PCDHGA1: variants seen among roughly 807,000 people sequenced by gnomAD.
The protein encoded by PCDHGA1 is protocadherin gamma-A1.
PCDHGA1 carries 32 observed loss-of-function variants against 58.0 expected under a neutral mutation model. The observed-to-expected ratio is 0.55, with a 90% confidence interval of 0.42 to 0.74. The LOEUF is 0.74. Ranked by LOEUF, PCDHGA1 falls within the 30% of genes least tolerant of loss-of-function variation. The probability of loss-of-function intolerance (pLI) is 0.00; values close to 1 mark genes in which losing one functional copy is unlikely to be tolerated. For synonymous variants in PCDHGA1, 498 were observed against 501.1 expected, an observed-to-expected ratio of 0.99 and a Z score of 0.08; for missense variants, 1,205 against 1,182.3, an observed-to-expected ratio of 1.02 and a Z score of -0.28.
chr5:141,350,354 C>A (rs1292582179), intron 1 of PCDHGA1: 8 of 1,564,814 alleles, frequency 5.1e-6, no homozygotes, highest in Non-Finnish European at 6.9e-6. Context: ...CCAGCAGATC[C>A]GATACACGAT....
intron 1 of PCDHGA1, chr5:141,419,828 AC>A (rs1189387492): frequency 6.2e-7 from 1 of 1,614,022 alleles, no homozygotes; most frequent in Non-Finnish European, 8.5e-7. Flanking sequence ...CCTTTCAGCC[AC>A]TGCCACGCTG....
At chr5:141,430,829 T>A (rs763916884) in intron 1 of PCDHGA1, 1 of 1,554,558 alleles carries the variant, frequency 6.4e-7, no homozygotes, top group Non-Finnish European at 8.7e-7. Context: ...GGGGACTCTG[T>A]GGGAGACCGG....
rs1311188710 is a variant in PCDHGA1 at position 141,332,886 on chromosome 5, C to T, written c.2202C>T (p.Ser734=). 8.7e-6 allele frequency: 14 copies of T among 1,614,104 alleles called. No individual in the cohort carries two copies. The highest frequency in any genetic ancestry group is 8.0e-5 in the African/African-American group (6 of 74,938). Residue 734 remains serine (S), a synonymous_variant, in exon 1 of 4, where the codon AGC becomes AGT. Transcript: ENST00000517417. The surrounding 1 kb of genome is among the most constrained non-coding windows in gnomAD (Gnocchi z 4.6). ...AGGCTTCGGGAGGCGGCTTAGCGAG[C>T]ATGCCCGGTTCGCACTTTGTGGGCG... ...LLQASGGGLA[S]MPGSHFVGVD... is the part of the protein sequence containing the mutation.
chr5:141,493,289 C>T lies in PCDHGA1; in HGVS notation c.2422-1518C>T, dbSNP rs925045650. 2.6e-5 allele frequency among the ~76,000 whole-genome samples: 4 copies of T among 152,176 alleles called. No individual in the cohort carries two copies. Among genetic ancestry groups the T allele is most frequent in the Non-Finnish European group, 5.9e-5 (4 of 68,030 alleles). On this transcript the variant is annotated intron_variant, in intron 1 of 3. Coordinates refer to ENST00000517417, the MANE Select transcript of PCDHGA1 (RefSeq NM_018912.3). The surrounding 1 kb of genome is among the most constrained non-coding windows in gnomAD (Gnocchi z 4.3). ...CTTCACAGAGGTCAAGTGACTTGCT[C>T]AAGTTCACAGAGCAAGTAAGAGAGA...
At chr5:141,446,508 G>A (rs932199756) in intron 1 of PCDHGA1, among the ~76,000 whole-genome samples, 4 of 151,356 alleles carry the variant, frequency 2.6e-5, no homozygotes, top group Non-Finnish European at 5.9e-5. Flanking sequence ...ATGGAGTCTC[G>A]CTCTGTCACC....
intron 1 of PCDHGA1, chr5:141,390,094 T>G: frequency 1.2e-6 from 2 of 1,614,048 alleles, no homozygotes; most frequent in Non-Finnish European, 1.7e-6. Flanking sequence ...GAATCCGTGG[T>G]TCCCCCCAAC....
At chr5:141,361,758 G>A (rs1388339327) in intron 1 of PCDHGA1, 4 of 1,612,942 alleles carry the variant, frequency 2.5e-6, no homozygotes, top group Non-Finnish European at 3.4e-6. Flanking sequence ...GCTCGCCCGC[G>A]CTCAGCGCCA....
rs772345742 is a variant in PCDHGA1 at position 141,398,560 on chromosome 5, T to C, written c.2421+65455T>C. 17 of 1,613,792 alleles carry C rather than the reference T, an allele frequency of 1.1e-5. No individual in the cohort carries two copies. The Admixed American group carries it at 2.2e-4, about 21-fold the overall frequency. ...TTCCTTTGAGCTGCAAATAAGTGAG[T>C]CTGCACAGCCTGGCACAAGATTTAT... On this transcript the variant is annotated intron_variant, in intron 1 of 3. Transcript: ENST00000517417.
chr5:141,424,776 A>G (rs1406581367), intron 1 of PCDHGA1: 2 of 152,154 alleles, frequency 1.3e-5, no homozygotes, highest in African/African-American at 4.8e-5. Context: ...CAAATAGTAC[A>G]TTCAGTTCTT....
chr5:141,478,671 A>G (rs996413401), intron 1 of PCDHGA1: 19 of 1,551,538 alleles, frequency 1.2e-5, no homozygotes, highest in Non-Finnish European at 1.7e-5. Context: ...TCACACTTTC[A>G]ACTGGCCCTT....
Position 141,339,525 on chromosome 5 carries a change from G to C in PCDHGA1, c.2421+6420G>C, listed in dbSNP as rs776747052. On this transcript the variant is annotated intron_variant, in intron 1 of 3. Coordinates refer to ENST00000517417, the MANE Select transcript of PCDHGA1 (RefSeq NM_018912.3). ...CACTTCTCCCTGGACGTGCGAAGGG[G>C]AGCTGATGGGAACAAGTACCCAGAA... 4.3e-5 allele frequency: 69 copies of C among 1,614,034 alleles called. No homozygotes were observed. Among genetic ancestry groups the C allele is most frequent in the Admixed American group, 1.0e-4 (6 of 60,000 alleles).
At chr5:141,375,619 G>A (rs373115950) in intron 1 of PCDHGA1, 123 of 1,614,098 alleles carry the variant, frequency 7.6e-5, no homozygotes, top group Non-Finnish European at 1.0e-4. Context: ...CCGACACTGG[G>A]ATTCTGTACG....
At chr5:141,404,795 G>C (rs769293241) in intron 1 of PCDHGA1, 4 of 1,614,042 alleles carry the variant, frequency 2.5e-6, no homozygotes, top group Admixed American at 1.7e-5. Flanking sequence ...CAGTGAGCCA[G>C]GGCTCTTCTC....
At chr5:141,416,998 CAAAT>C (rs2096073182) in intron 1 of PCDHGA1, 1 of 150,816 alleles carries the variant, frequency 6.6e-6, no homozygotes, top group South Asian at 2.1e-4. Flanking sequence ...GCATTCATCT[CAAAT>C]AATTCTATTA....
chr5:141,376,688 T>G (rs959333255), intron 1 of PCDHGA1: 5 of 824,852 alleles, frequency 6.1e-6, no homozygotes, highest in Non-Finnish European at 9.0e-6. Context: ...TTTTTTTTTT[T>G]TTTTTTTTTG....
chr5:141,389,509 C>A, intron 1 of PCDHGA1: 2 of 1,613,118 alleles, frequency 1.2e-6, no homozygotes, highest in Non-Finnish European at 8.5e-7. Flanking sequence ...GCGCTCAGCG[C>A]GAACGTGAGC....
chr5:141,491,148 G>A lies in PCDHGA1; in HGVS notation c.2422-3659G>A. The A allele has an allele frequency of 6.8e-6, 11 of 1,614,140 alleles. No homozygotes were observed. The highest frequency in any genetic ancestry group is 9.3e-6 in the Non-Finnish European group (11 of 1,179,990). The stretch of plus-strand genomic sequence containing the variant: ...TGCGCACAGCCCGGGCCTTACTGGA[G>A]GATGACTCTGACACCCAGCAGGTGG... On this transcript the variant is annotated intron_variant, in intron 1 of 3. Transcript: ENST00000517417. The surrounding 1 kb of genome is among the most constrained non-coding windows in gnomAD (Gnocchi z 6.9).
intron 1 of PCDHGA1, chr5:141,418,087 C>G (rs2096220274): frequency 6.2e-7 from 1 of 1,613,894 alleles, no homozygotes; most frequent in African/African-American, 1.3e-5. Context: ...TGCACTTCAG[C>G]GTAGACGCGC....
Position 141,511,350 on chromosome 5 carries a change from C to G in PCDHGA1, c.*177C>G, listed in dbSNP as rs1303365585. 4.3e-6 allele frequency: 6 copies of G among 1,397,194 alleles called. No homozygotes were observed. Among genetic ancestry groups the G allele is most frequent in the East Asian group, 2.5e-5 (1 of 39,862 alleles). The allele number at this position is 1,397,194 out of a possible 1,614,324, so 86.5% of individuals were successfully genotyped here. On this transcript the variant is annotated 3_prime_UTR_variant, in exon 4 of 4. Transcript: ENST00000517417. ...CCCAGTCAGCACCTACCCCTTCCCC[C>G]CCAGGGGGTTGAATATGCAAAAGCA...
Sources: allele counts gnomAD v4.1 joint callset (sites outside exome capture counted in the v4.1 genomes callset), GRCh38; gene constraint gnomAD v4.1.1; non-coding constraint Gnocchi (gnomAD v3.1); transcripts MANE v1.5; gene names NCBI Gene and HGNC (gene_info 2026-07-23, HGNC 2026-07-21).